The following CTNNA3 variants were observed in gnomAD, a reference collection of about 807,000 sequenced individuals.
The protein encoded by CTNNA3 is catenin alpha 3.
In CTNNA3, 76 loss-of-function variants were observed where a neutral mutation model predicts 95.7. The observed-to-expected ratio is 0.79, with a 90% confidence interval of 0.66 to 0.96. The LOEUF is 0.96. CTNNA3 is among the 40% of genes least tolerant of loss of function. The probability of loss-of-function intolerance (pLI) is 0.00; values close to 1 mark genes in which losing one functional copy is unlikely to be tolerated. For synonymous variants in CTNNA3, 431 were observed against 374.4 expected (o/e 1.15, Z -1.74); for missense variants, 1,191 against 1,089.8 (o/e 1.09, Z -1.31).
intron 7 of CTNNA3, among the ~76,000 whole-genome samples, chr10:66,897,848 GA>G (rs1251065804): frequency 2.6e-5 from 4 of 152,086 alleles, no homozygotes; most frequent in Non-Finnish European, 5.9e-5. Flanking sequence ...CTTCTCTTCA[GA>G]AAAGACCTAG....
chr10:66,367,880 A>C (rs3935849), intron 12 of CTNNA3, among the ~76,000 whole-genome samples: 1 of 47,172 alleles, frequency 2.1e-5, no homozygotes, highest in African/African-American at 9.9e-5. Context: ...TAATAATAAT[A>C]ATTATTATTA....
At chr10:67,648,619 T>C (rs1039475180) in intron 1 of CTNNA3, 8 of 758,276 alleles carry the variant, frequency 1.1e-5, no homozygotes, top group African/African-American at 1.9e-5. Flanking sequence ...ATTATTCAAA[T>C]TCTATTAAGT....
intron 17 of CTNNA3, among the ~76,000 whole-genome samples, chr10:65,921,129 G>A (rs1356323492): frequency 6.6e-6 from 1 of 152,008 alleles, no homozygotes; most frequent in African/African-American, 2.4e-5. Flanking sequence ...GTTTAACAAC[G>A]GTACAAATTG....
chr10:66,677,285 C>T (rs1040631457), intron 9 of CTNNA3, among the ~76,000 whole-genome samples: 4 of 152,096 alleles, frequency 2.6e-5, no homozygotes, highest in African/African-American at 9.7e-5. Context: ...GAGTGCTTCT[C>T]TAACTATCTG....
At chr10:67,566,054 T>TATACAC (rs1184624122) in intron 3 of CTNNA3, among the ~76,000 whole-genome samples, 1 of 85,302 alleles carries the variant, frequency 1.2e-5, no homozygotes, top group Admixed American at 1.3e-4. Flanking sequence ...TATATATATA[T>TATACAC]ATATATATAT....
At chr10:66,910,741 AATGAAGCTATGG>A (rs1205061509) in intron 7 of CTNNA3, among the ~76,000 whole-genome samples, 4 of 152,214 alleles carry the variant, frequency 2.6e-5, no homozygotes, top group African/African-American at 9.6e-5. Context: ...AGAGCACTGA[AATGAAGCTATGG>A]ATGCCTCTCC....
At chr10:66,644,546 G>A (rs371626092) in intron 9 of CTNNA3, among the ~76,000 whole-genome samples, 28 of 150,464 alleles carry the variant, frequency 1.9e-4, no homozygotes, top group African/African-American at 6.1e-4. Context: ...TTTTAGTTGG[G>A]TTCTTTATTG....
At chr10:66,785,396 A>T (rs1457204502) in intron 7 of CTNNA3, among the ~76,000 whole-genome samples, 11 of 152,210 alleles carry the variant, frequency 7.2e-5, no homozygotes, top group Non-Finnish European at 1.6e-4. Flanking sequence ...AAATGCCTCC[A>T]CCAAGGTGAA....
At chr10:66,646,534 T>C (rs2894010) in intron 9 of CTNNA3, among the ~76,000 whole-genome samples, 100,698 of 151,982 alleles carry the variant, frequency 0.66, 34,248 homozygotes, top group East Asian at 0.95. Context: ...CATCTTTTGT[T>C]GGTAATCTGC....
chr10:66,261,744 A>T (rs2091008579), intron 13 of CTNNA3, among the ~76,000 whole-genome samples: 1 of 152,020 alleles, frequency 6.6e-6, no homozygotes, highest in African/African-American at 2.4e-5. Flanking sequence ...AGAATTGCTT[A>T]AAGATGTTCT....
chr10:66,347,391 G>T (rs971804908), intron 12 of CTNNA3, among the ~76,000 whole-genome samples: 1 of 151,980 alleles, frequency 6.6e-6, no homozygotes, highest in African/African-American at 2.4e-5. Context: ...CGGGAAGATT[G>T]CTTGAGGCCA....
At chr10:66,414,432 C>T (rs750922813) in intron 11 of CTNNA3, among the ~76,000 whole-genome samples, 1 of 152,110 alleles carries the variant, frequency 6.6e-6, no homozygotes, top group African/African-American at 2.4e-5. Context: ...TAGAGGGAAA[C>T]GGTAGGTGAG....
rs1007611883 is a variant in CTNNA3 at position 67,709,545 on chromosome 10, C to T, written c.-2+53889G>A. Among the ~76,000 whole-genome samples, 28 of 152,194 alleles carry T rather than the reference C, an allele frequency of 1.8e-4. 1 individual carries two copies. The highest frequency in any genetic ancestry group is 5.3e-4 in the African/African-American group (22 of 41,526). On this transcript the variant is annotated intron_variant, in intron 1 of 17. Coordinates refer to the CTNNA3 transcript ENST00000684154. ...TCATCTAGGCCCATTTATGTACTTC[C>T]TTGAAAAATCTAGTTTTCATAAACA...
At chr10:66,870,182 AT>A (rs1844341866) in intron 7 of CTNNA3, among the ~76,000 whole-genome samples, 1 of 151,838 alleles carries the variant, frequency 6.6e-6, no homozygotes. Context: ...GGTGTCTCCT[AT>A]AAACTGACAA....
At chr10:66,723,428 G>A (rs1848689273) in intron 9 of CTNNA3, among the ~76,000 whole-genome samples, 1 of 152,056 alleles carries the variant, frequency 6.6e-6, no homozygotes, top group African/African-American at 2.4e-5. Flanking sequence ...GTACCCTTGT[G>A]CACACATACA....
intron 12 of CTNNA3, among the ~76,000 whole-genome samples, chr10:66,301,315 C>T (rs913483220): frequency 6.6e-5 from 10 of 151,984 alleles, no homozygotes; most frequent in African/African-American, 1.7e-4. Flanking sequence ...TACTTTCCAA[C>T]TCATTCTATG....
At chr10:66,589,761 T>C (rs986029257) in intron 10 of CTNNA3, among the ~76,000 whole-genome samples, 3 of 152,270 alleles carry the variant, frequency 2.0e-5, no homozygotes, top group Admixed American at 1.3e-4. Flanking sequence ...TCATCATTTG[T>C]TTCCATTGCT....
intron 7 of CTNNA3, among the ~76,000 whole-genome samples, chr10:66,960,723 G>A (rs1255007483): frequency 6.6e-6 from 1 of 152,052 alleles, no homozygotes; most frequent in African/African-American, 2.4e-5. Context: ...AAATTTTAAG[G>A]GGGAAATACA....
intron 7 of CTNNA3, among the ~76,000 whole-genome samples, chr10:66,897,474 A>G (rs1266339590): frequency 1.3e-5 from 2 of 152,150 alleles, no homozygotes; most frequent in Admixed American, 1.3e-4. Context: ...ATAAAAATTA[A>G]AAGAAAATTT....
Sources: allele counts gnomAD v4.1 joint callset (sites outside exome capture counted in the v4.1 genomes callset), GRCh38; gene constraint gnomAD v4.1.1; transcripts MANE v1.5; gene names NCBI Gene and HGNC (gene_info 2026-07-23, HGNC 2026-07-21).